Variants in NFXL1 observed in about 807,000 individuals in gnomAD.
The protein encoded by NFXL1 is NF-X1-type zinc finger protein NFXL1.
Under a neutral mutation model 123.3 loss-of-function variants are expected in NFXL1, and 66 were observed. The ratio of observed to expected loss-of-function variants is 0.54; its 90% CI spans 0.44 to 0.66. The LOEUF (loss-of-function observed/expected upper bound fraction) is 0.66, where lower values mean the gene tolerates loss of function less well. NFXL1 is among the 30% of genes least tolerant of loss of function. The probability of loss-of-function intolerance (pLI) is 0.00; values close to 1 mark genes in which losing one functional copy is unlikely to be tolerated. For synonymous variants in NFXL1, 346 were observed against 360.8 expected, an observed-to-expected ratio of 0.96 and a Z score of 0.46; for missense variants, 944 against 1,125.6, an observed-to-expected ratio of 0.84 and a Z score of 2.31.
Position 47,896,588 on chromosome 4 carries a change from G to C in NFXL1, c.1264C>G (p.Leu422Val). 1 of 1,612,370 alleles carries C rather than the reference G, an allele frequency of 6.2e-7. No individual in the cohort carries two copies. The highest frequency in any genetic ancestry group is 8.5e-7 in the Non-Finnish European group (1 of 1,178,540). ...GAACATCTATGGATTCCGCATTCAA[G>C]TACTTTGTCACAACTGTCTCCACAA... ...PTCGDSCDKV[L>V]ECGIHRCSQR... The change falls in exon 10 of 23, where the codon CTT becomes GTT. Residue 422 changes from leucine to valine, a missense_variant. Physicochemically the swap from Leu to Val is conservative, Grantham distance 32. This residue lies in a region of NFXL1 where 296 missense variants were observed against 395.1 expected (regional missense o/e 0.75). Coordinates refer to ENST00000507489, the MANE Select transcript of NFXL1 (RefSeq NM_001278624.2).
chr4:47,902,394 C>T (rs981438972), intron 5 of NFXL1, among the ~76,000 whole-genome samples: 2 of 152,082 alleles, frequency 1.3e-5, no homozygotes, highest in Middle Eastern at 3.4e-3. Context: ...GGAAATATAA[C>T]AAAAGTTCTC....
chr4:47,909,568 A>G (rs908198000), intron 3 of NFXL1, among the ~76,000 whole-genome samples: 1 of 152,208 alleles, frequency 6.6e-6, no homozygotes, highest in Non-Finnish European at 1.5e-5. Context: ...GCATAAATAT[A>G]TATTACTAAT....
intron 19 of NFXL1, among the ~76,000 whole-genome samples, chr4:47,861,015 G>A (rs1425223492): frequency 2.2e-5 from 2 of 89,144 alleles, no homozygotes; most frequent in Non-Finnish European, 5.3e-5. Flanking sequence ...ACCACGTCAG[G>A]CTATTTTTTT....
chr4:47,864,851 A>T (rs909716741), intron 18 of NFXL1, among the ~76,000 whole-genome samples: 1 of 152,324 alleles, frequency 6.6e-6, no homozygotes, highest in East Asian at 1.9e-4. Flanking sequence ...AACATAAGTT[A>T]AGTTTTTCTC....
intron 10 of NFXL1, among the ~76,000 whole-genome samples, chr4:47,894,539 TAA>T (rs200680311): frequency 7.9e-5 from 11 of 139,390 alleles, no homozygotes; most frequent in African/African-American, 2.1e-4. Context: ...ATTGAATAGT[TAA>T]AAAAAAAAAA....
intron 4 of NFXL1, among the ~76,000 whole-genome samples, chr4:47,903,936 CCAAA>C (rs1197270689): frequency 3.9e-5 from 6 of 152,132 alleles, no homozygotes; most frequent in African/African-American, 1.2e-4. Flanking sequence ...TTAAAACCTG[CCAAA>C]CACTTTGATA....
In NFXL1 at chr4:47,914,131, C is replaced by T; in HGVS notation, c.73G>A (p.Gly25Arg). ...SRGRATAAPSGNGVHLRGAGG... is the reference protein window; with the variant it reads ...SRGRATAAPSRNGVHLRGAGG... ...GCGCCGCGGAGATGGACTCCATTTC[C>T]TGAGGGGGCGGCAGTGGCCCGTCCC... The change falls in exon 2 of 23, where the codon GGA (glycine) becomes AGA (arginine). Residue 25 changes from glycine to arginine, a missense_variant. Physicochemically the swap from Gly to Arg is moderately radical, Grantham distance 125. Around this residue, in one of 4 missense-constraint regions of NFXL1, gnomAD observed 303 missense variants for 292.1 expected, o/e 1.04. Transcript: ENST00000507489. 6 of 1,553,972 alleles carry T rather than the reference C, an allele frequency of 3.9e-6. No homozygotes were observed. Among genetic ancestry groups the T allele is most frequent in the Non-Finnish European group, 5.2e-6 (6 of 1,149,090 alleles).
At chr4:47,889,477 G>A (rs972925411) in intron 12 of NFXL1, among the ~76,000 whole-genome samples, 17 of 152,102 alleles carry the variant, frequency 1.1e-4, no homozygotes, top group Admixed American at 5.9e-4. Context: ...CTGACTCTGC[G>A]ACTAGTTCTA....
Position 47,862,874 on chromosome 4 carries a change from C to T in NFXL1, c.2288G>A (p.Ser763Asn), listed in dbSNP as rs1266774762. 6.3e-7 allele frequency: 1 copy of T among 1,582,764 alleles called. No individual in the cohort carries two copies. The highest frequency in any genetic ancestry group is 1.9e-5 in the Admixed American group (1 of 52,498). Residue 763 changes from serine (S) to asparagine (N), a missense_variant, in exon 19 of 23, where the codon AGT becomes AAT. Ser to Asn is a conservative substitution (Grantham distance 46). Coordinates refer to ENST00000507489, the MANE Select transcript of NFXL1 (RefSeq NM_001278624.2). ...TTTAGGGCACTGATTTTTGCAACAA[C>T]TGAGGAGGTTCTTTTCATTTACATC... Reference protein sequence around the residue: ...TADVNEKNLLSCCKNQCPKEL... With the variant: ...TADVNEKNLLNCCKNQCPKEL...
intron 12 of NFXL1, 145 bp from the exon 13 acceptor site, chr4:47,886,144 C>CG: frequency 1.4e-6 from 1 of 708,238 alleles, no homozygotes; most frequent in Non-Finnish European, 2.4e-6. Context: ...TGAATCTTAC[C>CG]ACAAAACATT....
chr4:47,852,450 C>CA (rs1162622463), intron 20 of NFXL1, among the ~76,000 whole-genome samples: 1 of 152,146 alleles, frequency 6.6e-6, no homozygotes, highest in Non-Finnish European at 1.5e-5. Flanking sequence ...TAATTCATTA[C>CA]AATTTGCATT....
chr4:47,862,782 A>G, intron 19 of NFXL1, 64 bp downstream of exon 19: 2 of 953,024 alleles, frequency 2.1e-6, no homozygotes, highest in Non-Finnish European at 3.3e-6. Context: ...CAAACAAGAA[A>G]AAAGAAAATC....
chr4:47,897,329 C>A (rs951724419), intron 9 of NFXL1, among the ~76,000 whole-genome samples: 13 of 152,086 alleles, frequency 8.5e-5, no homozygotes, highest in African/African-American at 3.1e-4. Context: ...ACTGTAACAA[C>A]TACAAAATTA....
At chr4:47,885,805 AAATT>A in intron 13 of NFXL1, 70 bp downstream of exon 13, 2 of 1,525,742 alleles carry the variant, frequency 1.3e-6, no homozygotes, top group Non-Finnish European at 1.8e-6. Flanking sequence ...AAGCAAAATT[AAATT>A]ATTAAAAGCC....
At position 47,896,599 on chromosome 4, in the gene NFXL1, C is replaced by A; in HGVS notation, c.1253G>T (p.Cys418Phe). Residue 418 changes from cysteine (C) to phenylalanine (F), a missense_variant, in exon 10 of 23, where the codon TGT becomes TTT. By Grantham distance (205) the Cys-to-Phe change is radical. Transcript: ENST00000507489. ...TEDVPTCGDS[C>F]DKVLECGIHR... Reference sequence around the variant, plus strand: ...GATTCCGCATTCAAGTACTTTGTCACAACTGTCTCCACAAGTTGGTACATC... The same window carrying A: ...GATTCCGCATTCAAGTACTTTGTCAAAACTGTCTCCACAAGTTGGTACATC... 1 of 1,611,784 alleles carries A rather than the reference C, an allele frequency of 6.2e-7. No homozygotes were observed. Among genetic ancestry groups the A allele is most frequent in the Non-Finnish European group, 8.5e-7 (1 of 1,178,020 alleles).
rs1159922116 is a variant in NFXL1 at position 47,885,950 on chromosome 4, G to T, written c.1593C>A (p.Gly531=). 1 of 1,612,844 alleles carries T rather than the reference G, an allele frequency of 6.2e-7. No individual in the cohort carries two copies. The highest frequency in any genetic ancestry group is 8.5e-7 in the Non-Finnish European group (1 of 1,179,080). Residue 531 remains glycine (G), a synonymous_variant, in exon 13 of 23, where the codon GGC becomes GGA. Transcript: ENST00000507489. ...PETVDVKCNC[G]NTKVTVPCGR... ...CACAGGGCACTGTCACCTTTGTATTGCCACAATTACACTTCACATCTACGG... is the reference window on the plus strand; with the variant it reads ...CACAGGGCACTGTCACCTTTGTATTTCCACAATTACACTTCACATCTACGG...
intron 12 of NFXL1, among the ~76,000 whole-genome samples, chr4:47,888,479 T>C (rs2110083803): frequency 6.6e-6 from 1 of 152,286 alleles, no homozygotes; most frequent in Non-Finnish European, 1.5e-5. Flanking sequence ...ATCTTCCACA[T>C]ACTTTACATC....
intron 18 of NFXL1, among the ~76,000 whole-genome samples, chr4:47,866,545 C>T (rs929478890): frequency 7.9e-5 from 12 of 152,188 alleles, no homozygotes; most frequent in African/African-American, 1.7e-4. Context: ...GTATCTCCCA[C>T]CCAAAAAAAG....
intron 9 of NFXL1, 32 bp from the exon 10 acceptor site, chr4:47,896,679 T>C (rs745370154): frequency 6.7e-7 from 1 of 1,501,548 alleles, no homozygotes; most frequent in Non-Finnish European, 9.2e-7. Flanking sequence ...ATGTTAATAA[T>C]GAGACATTAT....
Sources: allele counts gnomAD v4.1 joint callset (sites outside exome capture counted in the v4.1 genomes callset), GRCh38; gene constraint gnomAD v4.1.1; regional missense constraint gnomAD v4.1.1; transcripts MANE v1.5; gene names NCBI Gene and HGNC (gene_info 2026-07-23, HGNC 2026-07-21).